The following ZBTB20 variants were observed in gnomAD, a reference collection of about 807,000 sequenced individuals.
ZBTB20 encodes the protein zinc finger and BTB domain-containing protein 20.
ZBTB20 carries 9 observed loss-of-function variants against 56.9 expected under a neutral mutation model. The ratio of observed to expected loss-of-function variants is 0.16; its 90% confidence interval spans 0.10 to 0.28. ZBTB20 has a LOEUF of 0.28. Among genes scored for constraint, ZBTB20 ranks in the 10% least tolerant of loss-of-function variants. The pLI is 1.00. For synonymous variants in ZBTB20, 417 were observed against 420.7 expected (o/e 0.99, Z 0.11); for missense variants, 655 against 1,003.0 (o/e 0.65, Z 4.69).
At chr3:114,896,440 T>C (rs2074882202) in intron 4 of ZBTB20, among the ~76,000 whole-genome samples, 1 of 152,132 alleles carries the variant, frequency 6.6e-6, no homozygotes, top group African/African-American at 2.4e-5. Flanking sequence ...AATCCTGACA[T>C]GTACTACCAC....
chr3:114,419,585 T>A (rs969727601), intron 7 of ZBTB20, among the ~76,000 whole-genome samples: 4 of 152,110 alleles, frequency 2.6e-5, no homozygotes, highest in Non-Finnish European at 4.4e-5. Flanking sequence ...ATTTTGTCAT[T>A]AAGACACAGG....
intron 5 of ZBTB20, among the ~76,000 whole-genome samples, chr3:114,739,566 A>G (rs2066430578): frequency 6.6e-6 from 1 of 152,246 alleles, no homozygotes; most frequent in South Asian, 2.1e-4. Context: ...TTGGAACAAG[A>G]GAACTTTTTC....
chr3:114,876,546 G>C (rs2076206508), intron 4 of ZBTB20: 1 of 152,084 alleles, frequency 6.6e-6, no homozygotes, highest in South Asian at 2.1e-4. Flanking sequence ...TTCTTATTCA[G>C]GGCTGAATGT....
At chr3:114,988,833 G>A (rs1055646586) in intron 2 of ZBTB20, among the ~76,000 whole-genome samples, 1 of 152,094 alleles carries the variant, frequency 6.6e-6, no homozygotes, top group South Asian at 2.1e-4. Context: ...GTTTTGATTT[G>A]CATTTCTCTG....
chr3:114,581,743 C>T (rs970911842), intron 6 of ZBTB20, among the ~76,000 whole-genome samples: 8 of 150,342 alleles, frequency 5.3e-5, no homozygotes, highest in African/African-American at 2.0e-4. Flanking sequence ...ATCAGACTGA[C>T]AAAAATTTTA....
At chr3:114,582,106 T>C (rs1015709915) in intron 6 of ZBTB20, 8 of 152,172 alleles carry the variant, frequency 5.3e-5, no homozygotes, top group Non-Finnish European at 8.8e-5. Flanking sequence ...GTTTTGCTTG[T>C]TCTTTACCTT....
At chr3:114,803,441 T>G (rs1321792393) in intron 4 of ZBTB20, among the ~76,000 whole-genome samples, 2 of 151,824 alleles carry the variant, frequency 1.3e-5, no homozygotes, top group African/African-American at 2.4e-5. Flanking sequence ...TTTGTGGCAC[T>G]CAGGCAAACG....
Position 114,380,219 on chromosome 3 carries a change from T to A in ZBTB20, c.197A>T (p.Asp66Val). ...CATCACCTTAGTGGTGTACTCACAA[T>A]CAGATGACCCGGTGTGAGCGTGAGA... ...TNSHAHTGSS[D>V]CDISCKGMTE... The change falls in exon 10 of 12, where the codon GAT (aspartate) becomes GTT (valine). Residue 66 changes from aspartate (D) to valine (V), a missense_variant and splice_region_variant. Transcript: ENST00000675478. The A allele has an allele frequency of 1.3e-6, 2 of 1,535,598 alleles. No individual in the cohort carries two copies. The highest frequency in any genetic ancestry group is 1.7e-6 in the Non-Finnish European group (2 of 1,146,076).
At chr3:114,539,295 A>G (rs893175993) in intron 6 of ZBTB20, among the ~76,000 whole-genome samples, 1 of 152,158 alleles carries the variant, frequency 6.6e-6, no homozygotes, top group African/African-American at 2.4e-5. Context: ...TACTTCTTTC[A>G]TAATTATTTG....
chr3:114,524,014 C>T (rs1441902708), intron 6 of ZBTB20, among the ~76,000 whole-genome samples: 1 of 152,066 alleles, frequency 6.6e-6, no homozygotes, highest in Non-Finnish European at 1.5e-5. Flanking sequence ...TGGCGAGTTG[C>T]ATATGATCAG....
intron 4 of ZBTB20, among the ~76,000 whole-genome samples, chr3:114,859,922 A>C (rs578081797): frequency 4.1e-4 from 63 of 152,282 alleles, no homozygotes; most frequent in African/African-American, 1.3e-3. Context: ...AACAGAATAA[A>C]TGACTAACCC....
intron 2 of ZBTB20, among the ~76,000 whole-genome samples, chr3:115,000,287 T>A (rs2108209058): frequency 6.6e-6 from 1 of 151,816 alleles, no homozygotes; most frequent in South Asian, 2.1e-4. Context: ...CATTATTTAA[T>A]ATTTTAAATA....
intron 3 of ZBTB20, among the ~76,000 whole-genome samples, chr3:114,916,129 T>C (rs1178554795): frequency 1.3e-5 from 2 of 152,104 alleles, no homozygotes; most frequent in South Asian, 2.1e-4. Context: ...GGATGATCTG[T>C]TCATTGCTGA....
At position 115,091,676 on chromosome 3, in the gene ZBTB20, T is replaced by A. The variant is rs79386433; in HGVS notation, c.-702-20262A>T. The stretch of plus-strand genomic sequence containing the variant: ...TATTTACAACAAAGAAATGTGTATT[T>A]TATATATATATATATAACACACACA... On this transcript the variant is annotated intron_variant, in intron 1 of 11. Coordinates refer to ENST00000675478, the MANE Select transcript of ZBTB20 (RefSeq NM_001348800.3). Among the ~76,000 whole-genome samples the A allele has an allele frequency of 8.2e-4, 121 of 148,410 alleles. No homozygotes were observed. The East Asian group carries it at 0.017, about 21-fold the overall frequency.
chr3:115,015,977 A>C (rs2079937581), intron 2 of ZBTB20, among the ~76,000 whole-genome samples: 1 of 151,866 alleles, frequency 6.6e-6, no homozygotes, highest in Non-Finnish European at 1.5e-5. Flanking sequence ...CCTCACCAGC[A>C]TCTGTTGTTT....
chr3:114,560,987 T>A (rs866511272), intron 6 of ZBTB20, among the ~76,000 whole-genome samples: 30 of 152,336 alleles, frequency 2.0e-4, no homozygotes, highest in African/African-American at 6.5e-4. Context: ...ATATTTTGGT[T>A]GTCATTTCAA....
intron 8 of ZBTB20, among the ~76,000 whole-genome samples, chr3:114,384,913 A>G (rs889498417): frequency 6.6e-6 from 1 of 152,242 alleles, no homozygotes; most frequent in Non-Finnish European, 1.5e-5. Flanking sequence ...TTTTGCACAT[A>G]TTGCACACAT....
At chr3:114,568,871 T>C (rs2110350166) in intron 6 of ZBTB20, among the ~76,000 whole-genome samples, 1 of 152,288 alleles carries the variant, frequency 6.6e-6, no homozygotes, top group South Asian at 2.1e-4. Flanking sequence ...TTTTGCTATA[T>C]CTTCACATAT....
chr3:114,629,291 A>T (rs2058809106), intron 6 of ZBTB20, among the ~76,000 whole-genome samples: 1 of 152,210 alleles, frequency 6.6e-6, no homozygotes. Context: ...AATTAATATA[A>T]AGTGCTGAGG....
Sources: gnomAD v4.1 joint callset for allele counts (sites outside exome capture counted in the v4.1 genomes callset) on GRCh38, gnomAD v4.1.1 for gene constraint, MANE v1.5 for transcripts, NCBI Gene and HGNC (gene_info 2026-07-23, HGNC 2026-07-21) for gene names.